MON1B: variants seen among roughly 807,000 people sequenced by gnomAD.
MON1B encodes vacuolar fusion protein MON1 homolog B.
MON1B carries 26 observed loss-of-function variants against 45.1 expected under a neutral mutation model. The observed-to-expected ratio is 0.58, with a 90% CI of 0.42 to 0.80. The LOEUF (loss-of-function observed/expected upper bound fraction) is 0.80, where lower values mean the gene tolerates loss of function less well. MON1B is among the 30% of genes least tolerant of loss of function. MON1B has a pLI of 0.00. For synonymous variants in MON1B, 395 were observed against 320.2 expected, an observed-to-expected ratio of 1.23 and a Z score of -2.49; for missense variants, 737 against 754.5, an observed-to-expected ratio of 0.98 and a Z score of 0.27.
chr16:77,194,752 G>T lies in MON1B; in HGVS notation c.893G>T (p.Arg298Leu). 1 of 1,613,830 alleles carries T rather than the reference G, an allele frequency of 6.2e-7. No homozygotes were observed. Among genetic ancestry groups the T allele is most frequent in the Non-Finnish European group, 8.5e-7 (1 of 1,179,844 alleles). Reference sequence around the variant, plus strand: ...GAGCGAAATGTGCTGGCCGAGTGCCGGCTGGACCCAGCTGACCTGCAGTTG... The same window carrying T: ...GAGCGAAATGTGCTGGCCGAGTGCCTGCTGGACCCAGCTGACCTGCAGTTG... ...AQERNVLAEC[R>L]LDPADLQLLL... The change falls in exon 4 of 6, where the codon CGG becomes CTG. Residue 298 changes from arginine (R) to leucine (L), a missense_variant. Transcript: ENST00000248248. This position sits in a 1 kb window ranked among gnomAD's most constrained non-coding sequence, Gnocchi z 8.1.
chr16:77,191,376 G>A, intron 1 of MON1B, 100 bp from the exon 2 acceptor site: 2 of 1,583,384 alleles, frequency 1.3e-6, no homozygotes, highest in Non-Finnish European at 1.7e-6. Flanking sequence ...AATCCGTGGG[G>A]AAATGAGCAG....
At position 77,200,291 on chromosome 16, in the gene MON1B, T is replaced by TATATATATATATATATATATATACAC; in HGVS notation, c.*1984_*1985insTATATATATATATATATATATACACA. The stretch of plus-strand genomic sequence containing the variant: ...ATATATGTGTATATATATATATATA[T>TATATATATATATATATATATATACAC]ACACACACTAATCAGCCGGGCGCGG... On this transcript the variant is annotated 3_prime_UTR_variant, in exon 6 of 6. Coordinates refer to ENST00000248248, the MANE Select transcript of MON1B (RefSeq NM_014940.4). 1.6e-3 allele frequency: 176 copies of TATATATATATATATATATATATACAC among 111,306 alleles called. 3 individuals carry two copies. The highest frequency in any genetic ancestry group is 2.7e-3 in the Admixed American group (31 of 11,436). The allele number at this position is 111,306 out of a possible 1,614,324, so 6.9% of individuals were successfully genotyped here. A position where few individuals can be genotyped will look rare whatever the true frequency, so the allele number is the denominator to read the frequency against.
Position 77,195,092 on chromosome 16 carries a change from G to A in MON1B, c.1233G>A (p.Arg411=). 1 of 1,602,554 alleles carries A rather than the reference G, an allele frequency of 6.2e-7. No homozygotes were observed. ...SVQAVGAPGL[R]HFLYKPLDIP... is the part of the protein sequence containing the mutation. ...AGGCTGTCGGGGCGCCGGGCCTCCG[G>A]CACTTCCTGTATAAGCCGCTGGACA... is the stretch of plus-strand genomic sequence containing the variant. Residue 411 remains arginine, a synonymous_variant, in exon 4 of 6, where the codon CGG becomes CGA. Coordinates refer to ENST00000248248, the MANE Select transcript of MON1B (RefSeq NM_014940.4).
At chr16:77,196,378 T>C (rs865980642) in intron 5 of MON1B, among the ~76,000 whole-genome samples, 2 of 152,218 alleles carry the variant, frequency 1.3e-5, no homozygotes, top group Non-Finnish European at 2.9e-5. Flanking sequence ...TATTTATATT[T>C]ATAAAGAGTT....
Position 77,198,112 on chromosome 16 carries a change from C to T in MON1B, c.1448C>T (p.Thr483Ile), listed in dbSNP as rs761468219. 6.2e-7 allele frequency: 1 copy of T among 1,614,036 alleles called. No individual in the cohort carries two copies. The highest frequency in any genetic ancestry group is 8.5e-7 in the Non-Finnish European group (1 of 1,179,994). Residue 483 changes from threonine (T) to isoleucine (I), a missense_variant, in exon 6 of 6, where the codon ACC becomes ATC. Transcript: ENST00000248248. ...AEKETLLAWV[T>I]SKFELYTCLS... ...TGTCTCCTCCGAAACCCCCAGGTGA[C>T]CTCCAAATTCGAGCTCTATACCTGC...
chr16:77,198,084 C>T (rs772697741), intron 5 of MON1B, 24 bp from the exon 6 acceptor site: 2 of 1,609,922 alleles, frequency 1.2e-6, no homozygotes, highest in East Asian at 2.2e-5. Flanking sequence ...GCCCATCTGA[C>T]TCTGTCTCCT....
Position 77,199,404 on chromosome 16 carries a change from T to C in MON1B, c.*1096T>C, listed in dbSNP as rs989255565. The C allele has an allele frequency of 3.2e-6, 5 of 1,543,518 alleles. No homozygotes were observed. In the African/African-American group the frequency reaches 6.9e-5, roughly 21 times the overall value. The stretch of plus-strand genomic sequence containing the variant: ...CCTTTCACCCTCACGTGGTTTCTTT[T>C]TTAACCAGTCATCAAGCGAGGCTCG... On this transcript the variant is annotated 3_prime_UTR_variant, in exon 6 of 6. Transcript: ENST00000248248.
In MON1B at chr16:77,194,297, C is replaced by A; in HGVS notation, c.476-38C>A. The A allele has an allele frequency of 6.4e-7, 1 of 1,555,308 alleles. No homozygotes were observed. The highest frequency in any genetic ancestry group is 8.8e-7 in the Non-Finnish European group (1 of 1,140,072). ...CTGTCTCCCTCTGGTCATTCCTGAT[C>A]CAGCTGTACCCCCCCTTCTTACCCC... On this transcript the variant is annotated intron_variant, in intron 3 of 5. Transcript: ENST00000248248. The surrounding 1 kb of genome is among the most constrained non-coding windows in gnomAD (Gnocchi z 8.1).
rs762214589 is a variant in MON1B, at chr16:77,195,590, C to T, written c.1351C>T (p.Leu451=). The T allele has an allele frequency of 6.2e-7, 1 of 1,614,096 alleles. No homozygotes were observed. The highest frequency in any genetic ancestry group is 8.5e-7 in the Non-Finnish European group (1 of 1,179,996). ...GGAGGAGCGGCAGCGGCTGTCGGAC[C>T]TGTACCACCGCCTGCATGCTCGTCT... The part of the protein sequence containing the change: ...REEERQRLSD[L]YHRLHARLHS... The change falls in exon 5 of 6, where the codon CTG becomes TTG. Residue 451 remains leucine, a synonymous_variant. Coordinates refer to ENST00000248248, the MANE Select transcript of MON1B (RefSeq NM_014940.4).
intron 5 of MON1B, among the ~76,000 whole-genome samples, chr16:77,197,677 C>A (rs551755711): frequency 1.3e-5 from 2 of 152,254 alleles, no homozygotes; most frequent in South Asian, 4.1e-4. Flanking sequence ...AGGAAAGGCG[C>A]TAGTGACCTT....
rs749575341 is a variant in MON1B, at chr16:77,199,294, C to T, written c.*986C>T. The T allele has an allele frequency of 7.7e-6, 5 of 653,542 alleles. No individual in the cohort carries two copies. The African/African-American group carries it at 9.2e-5, about 12-fold the overall frequency. The allele number at this position is 653,542 out of a possible 1,614,324, so 40.5% of individuals were successfully genotyped here. On this transcript the variant is annotated 3_prime_UTR_variant, in exon 6 of 6. Coordinates refer to ENST00000248248, the MANE Select transcript of MON1B (RefSeq NM_014940.4). ...TAGCATGTGTGCTGGCAATCAGGGCCGCAGTGTGTTCTGCGCCTGCCCAGA... is the reference window on the plus strand; with the variant it reads ...TAGCATGTGTGCTGGCAATCAGGGCTGCAGTGTGTTCTGCGCCTGCCCAGA...
chr16:77,193,372 A>T lies in MON1B; in HGVS notation c.149-79A>T. On this transcript the variant is annotated intron_variant, in intron 2 of 5. Transcript: ENST00000248248. The surrounding 1 kb of genome is among the most constrained non-coding windows in gnomAD (Gnocchi z 5.0). ...ATGCAGGGGTCATGGAGGGGCTAGT[A>T]GATATTTGGTGGGTCCTTGGGGATG... is the stretch of plus-strand genomic sequence containing the variant. 7.3e-7 allele frequency: 1 copy of T among 1,368,170 alleles called. No homozygotes were observed. Among genetic ancestry groups the T allele is most frequent in the Non-Finnish European group, 1.0e-6 (1 of 1,000,688 alleles). 84.8% of individuals were successfully genotyped at this position (1,368,170 alleles called of 1,614,324 possible). A position where few individuals can be genotyped will look rare whatever the true frequency, so the allele number is the denominator to read the frequency against.
rs756625010 is a variant in MON1B, at chr16:77,194,895, A to C, written c.1036A>C (p.Met346Leu). The change falls in exon 4 of 6, where the codon ATG (methionine) becomes CTG (leucine). Residue 346 changes from methionine (M) to leucine (L), a missense_variant. By Grantham distance (15) the Met-to-Leu change is conservative. Transcript: ENST00000248248. The surrounding 1 kb of genome is among the most constrained non-coding windows in gnomAD (Gnocchi z 8.1). ...FYAYVARLDA[M>L]PVCLLLLGTQ... ...CGCCTACGTGGCCCGCCTGGATGCT[A>C]TGCCTGTCTGCCTGCTGCTGCTTGG... 6.2e-7 allele frequency: 1 copy of C among 1,613,102 alleles called. No homozygotes were observed. Among genetic ancestry groups the C allele is most frequent in the Non-Finnish European group, 8.5e-7 (1 of 1,180,006 alleles).
Position 77,198,360 on chromosome 16 carries a change from T to TA in MON1B, c.*53dup. On this transcript the variant is annotated 3_prime_UTR_variant, in exon 6 of 6. Transcript: ENST00000248248. ...GCTGGGAGCAACCACCTTTGTTTTTTACCTTCTGTCTACCCTGGAAATGTG... is the reference window on the plus strand; with the variant it reads ...GCTGGGAGCAACCACCTTTGTTTTTTAACCTTCTGTCTACCCTGGAAATGTG... 1 of 1,554,712 alleles carries TA rather than the reference T, an allele frequency of 6.4e-7. No individual in the cohort carries two copies. The highest frequency in any genetic ancestry group is 8.9e-7 in the Non-Finnish European group (1 of 1,126,838).
Position 77,199,383 on chromosome 16 carries a change from T to G in MON1B, c.*1075T>G. On this transcript the variant is annotated 3_prime_UTR_variant, in exon 6 of 6. Coordinates refer to ENST00000248248, the MANE Select transcript of MON1B (RefSeq NM_014940.4). ...GCACGCATGCGTGCTGAAAAGCCTT[T>G]CACCCTCACGTGGTTTCTTTTTTAA... 5 of 1,493,112 alleles carry G rather than the reference T, an allele frequency of 3.3e-6. No individual in the cohort carries two copies. The highest frequency in any genetic ancestry group is 4.6e-6 in the Non-Finnish European group (5 of 1,097,040). The allele number at this position is 1,493,112 out of a possible 1,614,324, so 92.5% of individuals were successfully genotyped here.
At chr16:77,196,069 A>T (rs966865042) in intron 5 of MON1B, among the ~76,000 whole-genome samples, 5 of 152,056 alleles carry the variant, frequency 3.3e-5, no homozygotes, top group African/African-American at 9.7e-5. Flanking sequence ...CACTCCTCAG[A>T]CTACAGGCGT....
rs2054641185 is a variant in MON1B, at chr16:77,194,258, G to A, written c.476-77G>A. 1 of 1,298,762 alleles carries A rather than the reference G, an allele frequency of 7.7e-7. No individual in the cohort carries two copies. The highest frequency in any genetic ancestry group is 1.2e-5 in the South Asian group (1 of 84,338). The allele number at this position is 1,298,762 out of a possible 1,614,324, so 80.5% of individuals were successfully genotyped here. Reference sequence around the variant, plus strand: ...CCTGGTGTGTGTATGGTAGGAGAGGGCAGAAGAGCCCCACTGTCTCCCTCT... The same window carrying A: ...CCTGGTGTGTGTATGGTAGGAGAGGACAGAAGAGCCCCACTGTCTCCCTCT... On this transcript the variant is annotated intron_variant, in intron 3 of 5. Coordinates refer to ENST00000248248, the MANE Select transcript of MON1B (RefSeq NM_014940.4). This position sits in a 1 kb window ranked among gnomAD's most constrained non-coding sequence, Gnocchi z 8.1.
Position 77,200,291 on chromosome 16 carries a change from T to TATATACATATATATATATATAC in MON1B, c.*1984_*1985insTATACATATATATATATATACA. The stretch of plus-strand genomic sequence containing the variant: ...ATATATGTGTATATATATATATATA[T>TATATACATATATATATATATAC]ACACACACTAATCAGCCGGGCGCGG... On this transcript the variant is annotated 3_prime_UTR_variant, in exon 6 of 6. Coordinates refer to ENST00000248248, the MANE Select transcript of MON1B (RefSeq NM_014940.4). The TATATACATATATATATATATAC allele has an allele frequency of 7.2e-5, 8 of 111,428 alleles. No homozygotes were observed. The highest frequency in any genetic ancestry group is 2.2e-4 in the East Asian group (1 of 4,588). 6.9% of individuals were successfully genotyped at this position (111,428 alleles called of 1,614,324 possible).
intron 5 of MON1B, among the ~76,000 whole-genome samples, chr16:77,197,645 G>A (rs1260701185): frequency 6.6e-6 from 1 of 152,050 alleles, no homozygotes; most frequent in Non-Finnish European, 1.5e-5. Flanking sequence ...GGAGTGAAGG[G>A]GAGCGCTCTG....
Sources: allele counts gnomAD v4.1 joint callset (sites outside exome capture counted in the v4.1 genomes callset), GRCh38; gene constraint gnomAD v4.1.1; non-coding constraint Gnocchi (gnomAD v3.1); transcripts MANE v1.5; gene names NCBI Gene and HGNC (gene_info 2026-07-23, HGNC 2026-07-21).